The following CLSTN3 variants were observed in gnomAD, a reference collection of about 807,000 sequenced individuals.
CLSTN3 encodes the protein calsyntenin-3.
A neutral mutation model predicts 95.9 loss-of-function variants in CLSTN3; 36 were observed. The ratio of observed to expected loss-of-function variants is 0.38; its 90% CI spans 0.29 to 0.50. CLSTN3 has a LOEUF of 0.50. CLSTN3 is among the 20% of genes least tolerant of loss of function. The probability of loss-of-function intolerance (pLI) is 0.95; values close to 1 mark genes in which losing one functional copy is unlikely to be tolerated. For missense variants in CLSTN3, 1,084 were observed against 1,268.8 expected (o/e 0.85, Z 2.21); for synonymous variants, 481 against 504.0 (o/e 0.95, Z 0.61).
intron 12 of CLSTN3, among the ~76,000 whole-genome samples, chr12:7,147,028 G>C (rs1939631590): frequency 6.6e-6 from 1 of 152,120 alleles, no homozygotes; most frequent in Non-Finnish European, 1.5e-5. Context: ...TTTTACTCCA[G>C]CATTCAAGCT....
chr12:7,136,444 G>A, intron 6 of CLSTN3, 53 bp downstream of exon 6: 1 of 1,481,462 alleles, frequency 6.8e-7, no homozygotes, highest in Non-Finnish European at 9.1e-7. Flanking sequence ...TCCAACCTCT[G>A]TCCAAACTTT....
chr12:7,135,819 C>T lies in CLSTN3; in HGVS notation c.608C>T (p.Thr203Ile). Reference protein sequence around the residue: ...LIDNDGNIENTEKLQYSGERL... With the variant: ...LIDNDGNIENIEKLQYSGERL... ...CCCACCCCAGGGAACATTGAGAACA[C>T]AGAGAAGCTGCAGTACAGTGGTGAG... The change falls in exon 5 of 18, where the codon ACA becomes ATA. Residue 203 changes from threonine (T) to isoleucine (I), a missense_variant. Thr to Ile is a moderately conservative substitution (Grantham distance 89). Coordinates refer to ENST00000266546, the MANE Select transcript of CLSTN3 (RefSeq NM_014718.4). The T allele has an allele frequency of 6.2e-7, 1 of 1,608,838 alleles. No homozygotes were observed.
rs1050359519 is a variant in CLSTN3, at chr12:7,133,204, G to A, written c.187+58G>A. The A allele has an allele frequency of 1.3e-6, 2 of 1,511,430 alleles. No homozygotes were observed. The highest frequency in any genetic ancestry group is 1.4e-5 in the African/African-American group (1 of 72,854). 93.6% of individuals were successfully genotyped at this position (1,511,430 alleles called of 1,614,324 possible). A position where few individuals can be genotyped will look rare whatever the true frequency, so the allele number is the denominator to read the frequency against. Reference sequence around the variant, plus strand: ...AGGACAGAGAAAAGTGGGTGGGAGGGCCAAGAGCAAGGGAGGGAGGGAAGG... The same window carrying A: ...AGGACAGAGAAAAGTGGGTGGGAGGACCAAGAGCAAGGGAGGGAGGGAAGG... On this transcript the variant is annotated intron_variant, in intron 2 of 17. Transcript: ENST00000266546. The surrounding 1 kb of genome is among the most constrained non-coding windows in gnomAD (Gnocchi z 4.7).
At chr12:7,153,743 C>A (rs1939766269) in intron 16 of CLSTN3, among the ~76,000 whole-genome samples, 1 of 152,190 alleles carries the variant, frequency 6.6e-6, no homozygotes, top group Non-Finnish European at 1.5e-5. Context: ...TCTGATTAGG[C>A]TCAAGGTAGA....
chr12:7,138,829 C>CAAAAAAAA (rs5796259), intron 8 of CLSTN3: 1 of 43,194 alleles, frequency 2.3e-5, no homozygotes, highest in African/African-American at 1.0e-4. Flanking sequence ...AAGCAAACGG[C>CAAAAAAAA]AAAAAAAAAA....
In CLSTN3 at chr12:7,158,257, C is replaced by T. The variant is rs920188138; in HGVS notation, c.*176C>T. The T allele has an allele frequency of 1.2e-4, 81 of 677,582 alleles. No homozygotes were observed. The highest frequency in any genetic ancestry group is 1.8e-4 in the Non-Finnish European group (75 of 426,006). The allele number at this position is 677,582 out of a possible 1,614,324, so 42.0% of individuals were successfully genotyped here. A position where few individuals can be genotyped will look rare whatever the true frequency, so the allele number is the denominator to read the frequency against. ...CCTCTGGAGTCCGCCCTGCCCCTCC[C>T]CCGGCCCCCCATCCCTCACTTCTGG... On this transcript the variant is annotated 3_prime_UTR_variant, in exon 18 of 18. Transcript: ENST00000266546.
intron 12 of CLSTN3, among the ~76,000 whole-genome samples, chr12:7,144,788 G>T (rs765948092): frequency 6.6e-6 from 1 of 152,152 alleles, no homozygotes; most frequent in Non-Finnish European, 1.5e-5. Flanking sequence ...GAGCCCTAGA[G>T]GGTGACTGGG....
At chr12:7,143,361 T>A (rs748815214) in intron 12 of CLSTN3, 50 bp downstream of exon 12, 1 of 1,572,118 alleles carries the variant, frequency 6.4e-7, no homozygotes, top group Non-Finnish European at 8.6e-7. Flanking sequence ...CCAGACAGTG[T>A]CACAGCTCCT....
At chr12:7,130,370 C>T, upstream of CLSTN3, 1 of 1,372,836 alleles carries the variant, frequency 7.3e-7, no homozygotes, top group Admixed American at 3.1e-5. Flanking sequence ...GTGCTGACGT[C>T]ATCCTGCAGT....
At chr12:7,147,084 C>G (rs1228614929) in intron 12 of CLSTN3, among the ~76,000 whole-genome samples, 2 of 152,154 alleles carry the variant, frequency 1.3e-5, no homozygotes, top group Non-Finnish European at 2.9e-5. Flanking sequence ...TCTGTAAAAT[C>G]ATTTCCGCTA....
intron 12 of CLSTN3, among the ~76,000 whole-genome samples, chr12:7,147,023 C>T (rs959510607): frequency 2.6e-4 from 39 of 152,168 alleles, no homozygotes; most frequent in African/African-American, 8.7e-4. Flanking sequence ...TCCCTTTTTA[C>T]TCCAGCATTC....
chr12:7,130,590 C>G lies in CLSTN3; in HGVS notation c.-59C>G, dbSNP rs749118895. 3 of 1,550,146 alleles carry G rather than the reference C, an allele frequency of 1.9e-6. No individual in the cohort carries two copies. The highest frequency in any genetic ancestry group is 3.9e-5 in the Admixed American group (2 of 51,042). ...TATCCCTCCCGCAAGGTGGAATCCG[C>G]AGGCTGGAGGCTCCCAGGGGAGGCA... On this transcript the variant is annotated 5_prime_UTR_variant, in exon 1 of 18. Transcript: ENST00000266546.
intron 16 of CLSTN3, chr12:7,156,655 G>A (rs1939822110): frequency 2.2e-6 from 1 of 456,744 alleles, no homozygotes; most frequent in Non-Finnish European, 4.4e-6. Context: ...CGGTCTTCCT[G>A]AGCATGTACC....
chr12:7,140,926 C>T (rs745594577), intron 8 of CLSTN3, among the ~76,000 whole-genome samples: 58 of 152,248 alleles, frequency 3.8e-4, no homozygotes, highest in African/African-American at 1.4e-3. Context: ...CAGTGCCTTA[C>T]ACACATATGT....
intron 1 of CLSTN3, chr12:7,131,460 G>A (rs1230433044): frequency 3.9e-6 from 1 of 254,548 alleles, no homozygotes; most frequent in Non-Finnish European, 7.9e-6. Context: ...GACCGGAGAT[G>A]AGGCGTGGGA....
chr12:7,132,290 G>A (rs1163478255), intron 1 of CLSTN3: 2 of 234,492 alleles, frequency 8.5e-6, no homozygotes, highest in Non-Finnish European at 1.7e-5. Context: ...GTGTTCTCTT[G>A]GGTGTGGGGG....
chr12:7,139,775 A>G (rs1939497292), intron 8 of CLSTN3, among the ~76,000 whole-genome samples: 2 of 151,890 alleles, frequency 1.3e-5, no homozygotes, highest in South Asian at 2.1e-4. Context: ...CAGCTTCCCT[A>G]GTAGTTGGGA....
Position 7,135,850 on chromosome 12 carries a change from C to A in CLSTN3, c.639C>A (p.Leu213=). Residue 213 remains leucine, a synonymous_variant, in exon 5 of 18, where the codon CTC becomes CTA. Coordinates refer to ENST00000266546, the MANE Select transcript of CLSTN3 (RefSeq NM_014718.4). ...TEKLQYSGER[L]YKFTVTAYDC... is the part of the protein sequence containing the mutation. ...AGCTGCAGTACAGTGGTGAGAGGCT[C>A]TATAAGTTTACAGTGACAGCTTATG... The A allele has an allele frequency of 1.2e-6, 2 of 1,613,912 alleles. No individual in the cohort carries two copies. Among genetic ancestry groups the A allele is most frequent in the Non-Finnish European group, 1.7e-6 (2 of 1,179,886 alleles).
chr12:7,155,853 C>G (rs1331276591), intron 16 of CLSTN3: 1 of 202,852 alleles, frequency 4.9e-6, no homozygotes, highest in Non-Finnish European at 1.0e-5. Flanking sequence ...GGTGTGTGGC[C>G]TGCCCAGGCA....
Sources: allele counts gnomAD v4.1 joint callset (sites outside exome capture counted in the v4.1 genomes callset), GRCh38; gene constraint gnomAD v4.1.1; non-coding constraint Gnocchi (gnomAD v3.1); transcripts MANE v1.5; gene names NCBI Gene and HGNC (gene_info 2026-07-23, HGNC 2026-07-21).